TCF7L2: variants seen among roughly 807,000 people sequenced by gnomAD.
The protein encoded by TCF7L2 is transcription factor 7 like 2.
Under a neutral mutation model 77.9 loss-of-function variants are expected in TCF7L2, and 23 were observed. The ratio of observed to expected loss-of-function variants is 0.30; its 90% CI spans 0.21 to 0.42. The LOEUF (loss-of-function observed/expected upper bound fraction) is 0.42, where lower values mean the gene tolerates loss of function less well. Ranked by LOEUF, TCF7L2 falls within the 10% of genes least tolerant of loss-of-function variation. TCF7L2 has a pLI of 1.00. For missense variants in TCF7L2, 654 were observed against 793.1 expected (o/e 0.82, Z 2.11); for synonymous variants, 413 against 340.2 (o/e 1.21, Z -2.36).
chr10:113,151,912 CG>C lies in TCF7L2; in HGVS notation c.1161+34del, dbSNP rs762638142. ...AGGTGACGCCCTTCTCAGGGAGAAG[CG>C]GGGGGCGGGTGGTGAGGGACCAGAG... On this transcript the variant is annotated intron_variant, in intron 10 of 13. Coordinates refer to ENST00000627217, the MANE Select transcript of TCF7L2 (RefSeq NM_001146274.2). The surrounding 1 kb of genome is among the most constrained non-coding windows in gnomAD (Gnocchi z 5.2). The C allele has an allele frequency of 3.1e-6, 4 of 1,285,758 alleles. No homozygotes were observed. The African/African-American group carries it at 6.1e-5, about 20-fold the overall frequency. 79.6% of individuals were successfully genotyped at this position (1,285,758 alleles called of 1,614,324 possible).
At chr10:113,029,970 G>T (rs540253043) in intron 4 of TCF7L2, among the ~76,000 whole-genome samples, 1 of 152,096 alleles carries the variant, frequency 6.6e-6, no homozygotes, top group African/African-American at 2.4e-5. Context: ...CAGTTCAGTG[G>T]TTTTTTAGTC....
At chr10:113,095,083 G>C (rs1197100207) in intron 5 of TCF7L2, among the ~76,000 whole-genome samples, 1 of 152,188 alleles carries the variant, frequency 6.6e-6, no homozygotes, top group African/African-American at 2.4e-5. Context: ...TCCAGCCTGG[G>C]TGACAGAGCA....
intron 5 of TCF7L2, among the ~76,000 whole-genome samples, chr10:113,111,999 C>T (rs867020779): frequency 2.0e-5 from 3 of 152,110 alleles, no homozygotes; most frequent in Non-Finnish European, 2.9e-5. Context: ...ATAACACCAC[C>T]GTCCAGACTG....
chr10:113,134,648 C>T (rs1402024999), intron 5 of TCF7L2, among the ~76,000 whole-genome samples: 3 of 152,180 alleles, frequency 2.0e-5, no homozygotes, highest in African/African-American at 7.2e-5. Context: ...CTTTTATTAA[C>T]GTTTTAGCGG....
chr10:113,157,073 T>C (rs929974029), intron 11 of TCF7L2, among the ~76,000 whole-genome samples: 1 of 152,238 alleles, frequency 6.6e-6, no homozygotes, highest in African/African-American at 2.4e-5. Flanking sequence ...TGAGGGAACA[T>C]CTTCTTTCTT....
intron 4 of TCF7L2, among the ~76,000 whole-genome samples, chr10:112,966,803 A>C (rs896353677): frequency 6.6e-6 from 1 of 152,176 alleles, no homozygotes; most frequent in Non-Finnish European, 1.5e-5. Flanking sequence ...AGATGGAGTA[A>C]ATTACAGAGC....
At chr10:113,125,727 T>C (rs1273119468) in intron 5 of TCF7L2, 1 of 152,198 alleles carries the variant, frequency 6.6e-6, no homozygotes, top group African/African-American at 2.4e-5. Flanking sequence ...GGCAAGATAA[T>C]TTGTGCTGGT....
intron 13 of TCF7L2, among the ~76,000 whole-genome samples, chr10:113,164,702 C>A (rs1307205346): frequency 6.6e-6 from 1 of 151,644 alleles, no homozygotes; most frequent in African/African-American, 2.4e-5. Context: ...TTTTCTTATT[C>A]TTCCCCCTCC....
chr10:113,073,000 C>T (rs1039570603), intron 5 of TCF7L2, among the ~76,000 whole-genome samples: 1 of 152,020 alleles, frequency 6.6e-6, no homozygotes, highest in African/African-American at 2.4e-5. Flanking sequence ...CTCCCAGCCC[C>T]TGAGCTAGAG....
chr10:113,074,425 C>T (rs1232329025), intron 5 of TCF7L2, among the ~76,000 whole-genome samples: 1 of 152,024 alleles, frequency 6.6e-6, no homozygotes, highest in Non-Finnish European at 1.5e-5. Flanking sequence ...ATATGGGAAC[C>T]CCTCCTTCCA....
At chr10:113,130,827 G>A (rs746872133) in intron 5 of TCF7L2, among the ~76,000 whole-genome samples, 4 of 151,830 alleles carry the variant, frequency 2.6e-5, no homozygotes, top group Non-Finnish European at 4.4e-5. Context: ...GTGCAGTGGC[G>A]AGATCTCGGC....
At chr10:113,056,449 A>G (rs528690252) in intron 5 of TCF7L2, among the ~76,000 whole-genome samples, 1 of 152,070 alleles carries the variant, frequency 6.6e-6, no homozygotes, top group African/African-American at 2.4e-5. Context: ...GAAACAAAAA[A>G]CCCGTCTCCA....
Position 113,141,272 on chromosome 10 carries a change from G to C in TCF7L2, c.641G>C (p.Gly214Ala), listed in dbSNP as rs2136841025. ...TACAGCAATGAACACTTCACGCCGG[G>C]AAACCCACCTCCACACTTACCAGCC... The change falls in exon 6 of 14, where the codon GGA becomes GCA. Residue 214 changes from glycine (G) to alanine (A), a missense_variant. Gly to Ala is a moderately conservative substitution (Grantham distance 60). Around this residue, in one of 6 missense-constraint regions of TCF7L2, gnomAD observed 179 missense variants for 270.6 expected, o/e 0.66. Transcript: ENST00000627217. The C allele has an allele frequency of 6.2e-7, 1 of 1,614,118 alleles. No homozygotes were observed. Among genetic ancestry groups the C allele is most frequent in the Non-Finnish European group, 8.5e-7 (1 of 1,180,034 alleles).
At chr10:113,153,063 A>C (rs1256946572) in intron 11 of TCF7L2, among the ~76,000 whole-genome samples, 1 of 152,180 alleles carries the variant, frequency 6.6e-6, no homozygotes, top group African/African-American at 2.4e-5. Context: ...AGGGCAGGGA[A>C]AGTGTGCTAT....
At chr10:112,965,300 T>A (rs778931522) in intron 4 of TCF7L2, among the ~76,000 whole-genome samples, 9 of 152,144 alleles carry the variant, frequency 5.9e-5, no homozygotes, top group Non-Finnish European at 1.3e-4. Flanking sequence ...GCTAAACAAA[T>A]CATGGACTAA....
chr10:113,157,347 A>T (rs1050916829), intron 11 of TCF7L2, among the ~76,000 whole-genome samples: 1 of 152,026 alleles, frequency 6.6e-6, no homozygotes, highest in African/African-American at 2.4e-5. Context: ...TGAACTCCTG[A>T]CTTCAGGTGA....
intron 7 of TCF7L2, 115 bp downstream of exon 7, chr10:113,144,140 G>GTA: frequency 1.5e-5 from 11 of 729,718 alleles, no homozygotes; most frequent in African/African-American, 8.9e-5. Context: ...GTGTGTGTAT[G>GTA]TGTGTGTGTT....
intron 4 of TCF7L2, among the ~76,000 whole-genome samples, chr10:112,978,417 T>G (rs762871368): frequency 2.0e-5 from 3 of 152,054 alleles, no homozygotes; most frequent in African/African-American, 7.2e-5. Context: ...GGACCTCATA[T>G]CCTAATTTCT....
chr10:113,119,927 G>C (rs1324162772), intron 5 of TCF7L2, among the ~76,000 whole-genome samples: 3 of 152,208 alleles, frequency 2.0e-5, no homozygotes, highest in African/African-American at 7.2e-5. Context: ...AGGATCTTCA[G>C]TGAGAGACAT....
Sources: allele counts gnomAD v4.1 joint callset (sites outside exome capture counted in the v4.1 genomes callset), GRCh38; gene constraint gnomAD v4.1.1; regional missense constraint gnomAD v4.1.1; non-coding constraint Gnocchi (gnomAD v3.1); transcripts MANE v1.5; gene names NCBI Gene and HGNC (gene_info 2026-07-23, HGNC 2026-07-21).